TRIQK: variants seen among roughly 807,000 people sequenced by gnomAD.
TRIQK encodes the protein triple QxxK/R motif containing.
TRIQK carries 10 observed loss-of-function variants against 10.8 expected under a neutral mutation model. That is an observed-to-expected ratio of 0.92 (90% CI 0.57 to 1.57). TRIQK has a LOEUF of 1.57. TRIQK is among the 40% of genes most tolerant of loss of function. The pLI is 0.00. For synonymous variants in TRIQK, 33 were observed against 33.7 expected, an observed-to-expected ratio of 0.98 and a Z score of 0.07; for missense variants, 107 against 97.7, an observed-to-expected ratio of 1.09 and a Z score of -0.40.
chr8:93,013,760 T>A (rs1234861642), intron 1 of TRIQK, among the ~76,000 whole-genome samples: 1 of 152,226 alleles, frequency 6.6e-6, no homozygotes, highest in East Asian at 1.9e-4. Flanking sequence ...ACAAAACAAT[T>A]CCATTTTCTT....
At chr8:92,936,504 T>C (rs1014041542) in intron 2 of TRIQK, among the ~76,000 whole-genome samples, 2 of 151,524 alleles carry the variant, frequency 1.3e-5, no homozygotes, top group African/African-American at 4.8e-5. Context: ...AGGAATTTAG[T>C]ATATAGAAAT....
chr8:92,906,682 T>C (rs1393666576), intron 3 of TRIQK, among the ~76,000 whole-genome samples: 1 of 104,004 alleles, frequency 9.6e-6, no homozygotes, highest in Admixed American at 1.1e-4. Flanking sequence ...CACAATAGAA[T>C]AAAGGGAAGA....
In TRIQK at chr8:92,996,449, T is replaced by A. The variant is rs569691253; in HGVS notation, c.-181+21160A>T. 3.9e-5 allele frequency among the ~76,000 whole-genome samples: 6 copies of A among 152,172 alleles called. No individual in the cohort carries two copies. The South Asian group carries it at 6.2e-4, about 16-fold the overall frequency. ...AAGCAAAATTGTGTGTAATATCTCATAGATTCTATAATAGGCATATGTGAG... is the reference window on the plus strand; with the variant it reads ...AAGCAAAATTGTGTGTAATATCTCAAAGATTCTATAATAGGCATATGTGAG... On this transcript the variant is annotated intron_variant, in intron 1 of 4. Transcript: ENST00000520686.
intron 3 of TRIQK, among the ~76,000 whole-genome samples, chr8:92,912,855 C>T (rs1196431442): frequency 1.3e-5 from 2 of 151,572 alleles, no homozygotes; most frequent in African/African-American, 4.8e-5. Flanking sequence ...TAAAGAAAAG[C>T]CCAGTACTAG....
intron 2 of TRIQK, chr8:92,953,559 T>A (rs1812015160): frequency 6.6e-6 from 1 of 151,994 alleles, no homozygotes; most frequent in Non-Finnish European, 1.5e-5. Context: ...AAATTGGTCA[T>A]ACAATTGCTA....
At chr8:92,946,140 G>C (rs1385785975) in intron 2 of TRIQK, among the ~76,000 whole-genome samples, 1 of 152,066 alleles carries the variant, frequency 6.6e-6, no homozygotes, top group African/African-American at 2.4e-5. Context: ...CTAGGAAATA[G>C]ATCAGTGAAA....
chr8:92,955,211 T>G (rs1812108660), intron 1 of TRIQK, among the ~76,000 whole-genome samples: 1 of 151,766 alleles, frequency 6.6e-6, no homozygotes, highest in Non-Finnish European at 1.5e-5. Context: ...CTAATAATAA[T>G]ACCAACTTAA....
chr8:92,948,788 A>C (rs1811681677), intron 2 of TRIQK, among the ~76,000 whole-genome samples: 1 of 152,236 alleles, frequency 6.6e-6, no homozygotes, highest in African/African-American at 2.4e-5. Context: ...TTTGATGTTT[A>C]ATTATTGTAA....
At chr8:92,932,695 C>T (rs1320559379) in intron 2 of TRIQK, among the ~76,000 whole-genome samples, 9 of 151,972 alleles carry the variant, frequency 5.9e-5, no homozygotes, top group Non-Finnish European at 5.9e-5. Context: ...CATATTTATT[C>T]GTTAGTATCC....
intron 1 of TRIQK, among the ~76,000 whole-genome samples, chr8:92,982,098 G>GT (rs1812992219): frequency 6.6e-6 from 1 of 151,456 alleles, no homozygotes; most frequent in South Asian, 2.1e-4. Context: ...AAGGTTTTCT[G>GT]TTTTTCCTTA....
chr8:92,928,784 G>A (rs138112980), intron 2 of TRIQK, among the ~76,000 whole-genome samples: 121 of 152,264 alleles, frequency 7.9e-4, no homozygotes, highest in Non-Finnish European at 1.1e-3. Flanking sequence ...AATTGTGGAC[G>A]TTTCTAATGA....
chr8:92,935,211 G>C (rs2130574895), intron 2 of TRIQK, among the ~76,000 whole-genome samples: 1 of 151,638 alleles, frequency 6.6e-6, no homozygotes. Context: ...AAATAACAAA[G>C]AAAAGCTAGC....
intron 1 of TRIQK, among the ~76,000 whole-genome samples, chr8:92,994,806 CT>C (rs1016275171): frequency 6.6e-6 from 1 of 151,914 alleles, no homozygotes. Flanking sequence ...CCTTAGAACA[CT>C]TTTGATTTTT....
intron 3 of TRIQK, among the ~76,000 whole-genome samples, chr8:92,909,020 A>G (rs577302513): frequency 1.3e-5 from 2 of 152,068 alleles, no homozygotes; most frequent in South Asian, 2.1e-4. Flanking sequence ...TTTGTCATAT[A>G]AAGTAAATCT....
At chr8:93,014,055 G>C (rs1813360658) in intron 1 of TRIQK, among the ~76,000 whole-genome samples, 1 of 152,032 alleles carries the variant, frequency 6.6e-6, no homozygotes, top group African/African-American at 2.4e-5. Flanking sequence ...CAAAACACAG[G>C]CTACAATTAT....
intron 2 of TRIQK, among the ~76,000 whole-genome samples, chr8:92,932,262 G>T (rs182999053): frequency 9.7e-4 from 147 of 152,006 alleles, no homozygotes; most frequent in Non-Finnish European, 1.8e-3. Flanking sequence ...ATATTCCAAG[G>T]TCCTATATAA....
chr8:92,898,466 T>A (rs1453733239), intron 3 of TRIQK, among the ~76,000 whole-genome samples: 1 of 152,124 alleles, frequency 6.6e-6, no homozygotes, highest in East Asian at 1.9e-4. Context: ...TTAGATGGTT[T>A]TAAGATTTTA....
At chr8:92,976,510 A>G (rs1289606615) in intron 1 of TRIQK, among the ~76,000 whole-genome samples, 2 of 151,868 alleles carry the variant, frequency 1.3e-5, no homozygotes, top group Non-Finnish European at 2.9e-5. Context: ...CTTTTAACCA[A>G]TTTGTGTCTT....
intron 1 of TRIQK, chr8:92,965,540 C>G (rs984433266): frequency 1.1e-4 from 17 of 152,378 alleles, no homozygotes. Flanking sequence ...AACGGCAGAA[C>G]CCAGAGAGCT....
Sources: allele counts gnomAD v4.1 joint callset (sites outside exome capture counted in the v4.1 genomes callset), GRCh38; gene constraint gnomAD v4.1.1; transcripts MANE v1.5; gene names NCBI Gene and HGNC (gene_info 2026-07-23, HGNC 2026-07-21).